GTF2IRD2: variants seen among roughly 807,000 people sequenced by gnomAD.
The protein encoded by GTF2IRD2 is GTF2I repeat domain containing 2, also known as general transcription factor II-I repeat domain-containing protein 2A.
Under a neutral mutation model 49.2 loss-of-function variants are expected in GTF2IRD2, and 8 were observed. The ratio of observed to expected loss-of-function variants is 0.16; its 90% confidence interval spans 0.10 to 0.29. GTF2IRD2 has a LOEUF of 0.29. Among genes scored for constraint, GTF2IRD2 ranks in the 10% least tolerant of loss-of-function variants. GTF2IRD2 has a pLI of 1.00. For synonymous variants in GTF2IRD2, 47 were observed against 289.7 expected (o/e 0.16, Z 8.51); for missense variants, 130 against 725.7 (o/e 0.18, Z 9.43).
chr7:74,827,040 T>C (rs1799464494), intron 3 of GTF2IRD2, among the ~76,000 whole-genome samples: 2 of 151,578 alleles, frequency 1.3e-5, no homozygotes, highest in Non-Finnish European at 2.9e-5. Context: ...CTGAATAGTA[T>C]CCCATAGTGT....
intron 11 of GTF2IRD2, among the ~76,000 whole-genome samples, chr7:74,807,237 C>G (rs1376605020): frequency 1.1e-5 from 1 of 89,818 alleles, no homozygotes; most frequent in Non-Finnish European, 2.4e-5. Context: ...CCCACCTCAG[C>G]CTTGTGAGTA....
intron 5 of GTF2IRD2, 82 bp downstream of exon 5, chr7:74,822,542 C>A: frequency 3.3e-6 from 2 of 597,860 alleles, no homozygotes; most frequent in Non-Finnish European, 5.8e-6. Context: ...ACGCAGCAGG[C>A]GGGATGCACG....
intron 3 of GTF2IRD2, among the ~76,000 whole-genome samples, chr7:74,826,826 C>CT (rs1446185886): frequency 1.4e-5 from 2 of 141,392 alleles, no homozygotes; most frequent in Non-Finnish European, 3.0e-5. Context: ...ATTCTTGTGC[C>CT]TCAGCCACCT....
At chr7:74,815,862 GAAA>G (rs1798498713) in intron 8 of GTF2IRD2, among the ~76,000 whole-genome samples, 1 of 87,694 alleles carries the variant, frequency 1.1e-5, no homozygotes, top group Non-Finnish European at 2.4e-5. Context: ...AAGAAAGAAA[GAAA>G]GAGAAAATAA....
chr7:74,818,672 A>G, intron 8 of GTF2IRD2: 1 of 142,616 alleles, frequency 7.0e-6, no homozygotes. Flanking sequence ...CTGGTCTTGA[A>G]CTCCAGGGTT....
In GTF2IRD2 at chr7:74,797,261, G is replaced by A; in HGVS notation, c.2251C>T (p.Arg751Ter). 2 of 761,890 alleles carry A rather than the reference G, an allele frequency of 2.6e-6. No individual in the cohort carries two copies. The highest frequency in any genetic ancestry group is 4.7e-6 in the Non-Finnish European group (2 of 427,078). 47.2% of individuals were successfully genotyped at this position (761,890 alleles called of 1,614,324 possible). ...LPQLSSIDWIRDLAFLVDMTM... is the reference protein window; with the variant it reads ...LPQLSSIDWI The stretch of plus-strand genomic sequence containing the variant: ...ATGTCAACCAAGAAGGCCAGGTCTC[G>A]GATCCAATCTATGGAGCTCAGTTGA... Residue 751 changes from arginine (R) to a stop codon, truncating the protein, a stop_gained, in exon 16 of 16, where the codon CGA (arginine) becomes TGA (stop). Coordinates refer to ENST00000451013, the MANE Select transcript of GTF2IRD2 (RefSeq NM_173537.5). LOFTEE classifies it high-confidence loss of function.
intron 1 of GTF2IRD2, among the ~76,000 whole-genome samples, chr7:74,840,011 AG>A (rs1800658833): frequency 6.7e-6 from 1 of 148,254 alleles, no homozygotes; most frequent in Non-Finnish European, 1.5e-5. Context: ...AAACAAAAAA[AG>A]GGAGATGCCA....
chr7:74,841,530 T>C (rs1210546145), intron 1 of GTF2IRD2, among the ~76,000 whole-genome samples: 7,185 of 125,152 alleles, frequency 0.057, 855 homozygotes, highest in African/African-American at 0.22. Flanking sequence ...TGCAGTGGCT[T>C]GATCATGGCT....
chr7:74,825,162 A>G (rs1799264517), intron 3 of GTF2IRD2, 110 bp from the exon 4 acceptor site: 3 of 1,254,880 alleles, frequency 2.4e-6, no homozygotes, highest in South Asian at 1.4e-5. Context: ...GAATAAATAT[A>G]AAACAAGATC....
In GTF2IRD2 at chr7:74,831,335, TATC is replaced by T. The variant is rs587710667; in HGVS notation, c.238+1467_238+1469del. Among the ~76,000 whole-genome samples, 670 of 151,112 alleles carry T rather than the reference TATC, an allele frequency of 4.4e-3. 3 individuals carry two copies. The highest frequency in any genetic ancestry group is 0.016 in the African/African-American group (642 of 41,308). ...ATATATATAATTCCTCTCTCTTATC[TATC>T]ATCTATCCATTTATCTAATCTGTCT... is the stretch of plus-strand genomic sequence containing the variant. On this transcript the variant is annotated intron_variant, in intron 3 of 15. Coordinates refer to ENST00000451013, the MANE Select transcript of GTF2IRD2 (RefSeq NM_173537.5).
At chr7:74,815,746 A>AAAGG (rs1418662234) in intron 8 of GTF2IRD2, among the ~76,000 whole-genome samples, 1 of 37,846 alleles carries the variant, frequency 2.6e-5, no homozygotes, top group Non-Finnish European at 5.8e-5. Flanking sequence ...AGAAAGAAAG[A>AAAGG]AAGGAAGGAA....
In GTF2IRD2 at chr7:74,818,867, G is replaced by A. The variant is rs1348381096; in HGVS notation, c.670+687C>T. ...TTATTTGATAAAACAAAAGAAAGGT[G>A]TCAAATGATAACCTGCTAGATACTT... is the stretch of plus-strand genomic sequence containing the variant. On this transcript the variant is annotated intron_variant, in intron 8 of 15. Transcript: ENST00000451013. The A allele has an allele frequency of 2.0e-5, 3 of 151,328 alleles. 1 individual carries two copies. The highest frequency in any genetic ancestry group is 1.9e-4 in the East Asian group (1 of 5,192). 9.4% of individuals were successfully genotyped at this position (151,328 alleles called of 1,614,324 possible).
At chr7:74,831,415 T>A (rs1401079496) in intron 3 of GTF2IRD2, among the ~76,000 whole-genome samples, 3 of 150,748 alleles carry the variant, frequency 2.0e-5, no homozygotes, top group African/African-American at 7.3e-5. Context: ...TACCTATCTA[T>A]CTAATCTACT....
chr7:74,822,552 G>A (rs1273154222), intron 5 of GTF2IRD2, 72 bp downstream of exon 5: 35 of 586,780 alleles, frequency 6.0e-5, no homozygotes, highest in Non-Finnish European at 4.2e-5. Flanking sequence ...CGGGATGCAC[G>A]AGTGAATTAA....
chr7:74,831,202 CT>C (rs1471158401), intron 3 of GTF2IRD2, among the ~76,000 whole-genome samples: 1 of 147,106 alleles, frequency 6.8e-6, no homozygotes, highest in Non-Finnish European at 1.5e-5. Context: ...CCTCTCTCAT[CT>C]CTCTCTCTCT....
chr7:74,838,043 C>T (rs1264351367), intron 1 of GTF2IRD2, among the ~76,000 whole-genome samples: 1 of 63,156 alleles, frequency 1.6e-5, no homozygotes, highest in Non-Finnish European at 2.6e-5. Context: ...AGCCACCGCG[C>T]CCGGCCCGCA....
chr7:74,812,590 T>C (rs1584389348), intron 9 of GTF2IRD2, 149 bp downstream of exon 9: 1 of 213,472 alleles, frequency 4.7e-6, no homozygotes, highest in Non-Finnish European at 9.4e-6. Flanking sequence ...ATCTATTTTA[T>C]AACTGTAGGA....
chr7:74,818,521 A>G (rs1798642920), intron 8 of GTF2IRD2, among the ~76,000 whole-genome samples: 1 of 121,570 alleles, frequency 8.2e-6, no homozygotes, highest in African/African-American at 3.4e-5. Context: ...GTGCAGTGGT[A>G]CCATTACAGC....
At chr7:74,815,854 GA>G (rs1798492252) in intron 8 of GTF2IRD2, among the ~76,000 whole-genome samples, 2 of 106,936 alleles carry the variant, frequency 1.9e-5, no homozygotes, top group Non-Finnish European at 2.0e-5. Context: ...AAGAAAGAAA[GA>G]AAGAAAGAAA....
Sources: allele counts gnomAD v4.1 joint callset (sites outside exome capture counted in the v4.1 genomes callset), GRCh38; gene constraint gnomAD v4.1.1; transcripts MANE v1.5; gene names NCBI Gene and HGNC (gene_info 2026-07-23, HGNC 2026-07-21).